Variants in SLC39A8 observed in about 807,000 individuals in gnomAD.
SLC39A8 encodes the protein solute carrier family 39 member 8.
A neutral mutation model predicts 40.4 loss-of-function variants in SLC39A8; 15 were observed. The ratio of observed to expected loss-of-function variants is 0.37; its 90% CI spans 0.25 to 0.57. The LOEUF is 0.57. SLC39A8 is among the 20% of genes least tolerant of loss of function. The pLI is 0.75. For missense variants in SLC39A8, 472 were observed against 558.8 expected, an observed-to-expected ratio of 0.84 and a Z score of 1.57; for synonymous variants, 223 against 221.6, an observed-to-expected ratio of 1.01 and a Z score of -0.06.
chr4:102,318,626 G>A (rs1218292808), intron 2 of SLC39A8, among the ~76,000 whole-genome samples: 1 of 152,146 alleles, frequency 6.6e-6, no homozygotes, highest in African/African-American at 2.4e-5. Flanking sequence ...CGCCTGAAGA[G>A]TGAGGGCAAC....
At chr4:102,320,148 T>C (rs962334589) in intron 2 of SLC39A8, among the ~76,000 whole-genome samples, 1 of 132,972 alleles carries the variant, frequency 7.5e-6, no homozygotes, top group African/African-American at 2.9e-5. Flanking sequence ...CAATTCCTCA[T>C]AATCTCTCAT....
At chr4:102,251,511 G>C (rs1731590243) in exon 12 of SLC39A8, 2 of 152,078 alleles carry the variant, frequency 1.3e-5, no homozygotes, top group South Asian at 4.1e-4. Context: ...GTCCTCTTAG[G>C]GTCCTACCTG....
At chr4:102,313,167 T>C (rs1470260540) in intron 3 of SLC39A8, among the ~76,000 whole-genome samples, 2 of 152,148 alleles carry the variant, frequency 1.3e-5, no homozygotes, top group East Asian at 3.9e-4. Flanking sequence ...AGAATATCAA[T>C]GAGAACATGG....
intron 2 of SLC39A8, among the ~76,000 whole-genome samples, chr4:102,337,863 T>C (rs1358777922): frequency 1.3e-5 from 2 of 152,142 alleles, no homozygotes; most frequent in Non-Finnish European, 2.9e-5. Context: ...TCATTATATA[T>C]GAAACAATAA....
intron 6 of SLC39A8, among the ~76,000 whole-genome samples, chr4:102,282,618 T>TGG (rs5860723): frequency 8.0e-5 from 12 of 150,394 alleles, no homozygotes; most frequent in African/African-American, 3.0e-4. Context: ...AATTAAATGG[T>TGG]GGGGGGGGGT....
rs142916827 is a variant in SLC39A8, at chr4:102,294,159, A to G, written c.840+10158T>C. Among the ~76,000 whole-genome samples the G allele has an allele frequency of 3.6e-3, 554 of 152,190 alleles. 4 individuals carry two copies. The highest frequency in any genetic ancestry group is 0.013 in the African/African-American group (530 of 41,574). ...AACCACAGATTTGGAGAATACATTT[A>G]TAAATCATTTAATCAAGGAAAATTA... On this transcript the variant is annotated intron_variant, in intron 6 of 8. Coordinates refer to ENST00000356736, the MANE Select transcript of SLC39A8 (RefSeq NM_001135146.2).
intron 6 of SLC39A8, among the ~76,000 whole-genome samples, chr4:102,278,938 T>TG (rs1039236437): frequency 1.3e-5 from 2 of 151,546 alleles, no homozygotes; most frequent in Non-Finnish European, 2.9e-5. Context: ...AAGTGAGAGT[T>TG]GAACAATGAG....
chr4:102,267,944 A>T lies in SLC39A8; in HGVS notation c.976T>A (p.Cys326Ser), dbSNP rs1276785712. 6 of 1,614,234 alleles carry T rather than the reference A, an allele frequency of 3.7e-6. No individual in the cohort carries two copies. In the South Asian group the frequency reaches 5.5e-5, roughly 15 times the overall value. ...AGTCCCTGAAGGAGAGACAAGGTGC[A>T]GGAAGCCCCAATCGCCAGGCCATCG... ...FIDGLAIGAS[C>S]TLSLLQGLST... Residue 326 changes from cysteine (C) to serine (S), a missense_variant, in exon 7 of 9, where the codon TGC (cysteine) becomes AGC (serine). By Grantham distance (112) the Cys-to-Ser change is moderately radical. Transcript: ENST00000356736.
intron 2 of SLC39A8, among the ~76,000 whole-genome samples, chr4:102,328,669 G>C (rs1323958824): frequency 1.3e-5 from 2 of 152,198 alleles, no homozygotes; most frequent in African/African-American, 4.8e-5. Context: ...AGGCTTTCCA[G>C]GTAAACCCAG....
intron 3 of SLC39A8, 133 bp downstream of exon 3, chr4:102,315,535 A>T: frequency 1.5e-6 from 1 of 651,912 alleles, no homozygotes; most frequent in Non-Finnish European, 2.3e-6. Flanking sequence ...TACTTTCAAA[A>T]TATAAGTATT....
intron 6 of SLC39A8, among the ~76,000 whole-genome samples, chr4:102,272,048 A>C (rs1732384451): frequency 6.6e-6 from 1 of 152,080 alleles, no homozygotes; most frequent in Non-Finnish European, 1.5e-5. Context: ...TGAGAGTAAA[A>C]GGGGTATAAG....
chr4:102,328,853 G>A (rs140683414), intron 2 of SLC39A8, among the ~76,000 whole-genome samples: 26 of 152,066 alleles, frequency 1.7e-4, no homozygotes, highest in Middle Eastern at 3.4e-3. Flanking sequence ...GTGAAACCCC[G>A]TCTCTACTAA....
Position 102,304,429 on chromosome 4 carries a change from T to G in SLC39A8, c.728A>C (p.His243Pro). The change falls in exon 6 of 9, where the codon CAT (histidine) becomes CCT (proline). Residue 243 changes from histidine to proline, a missense_variant. Physicochemically the swap from His to Pro is moderately conservative, Grantham distance 77 (BLOSUM62 -2). This residue lies in a region of SLC39A8 where 239 missense variants were observed against 317.9 expected (regional missense o/e 0.75). Coordinates refer to ENST00000356736, the MANE Select transcript of SLC39A8 (RefSeq NM_001135146.2). ...GATGGCAGGTAATGCTTTAGGTTGA[T>G]GAGTTTTTTCTTGAGGACCAAAGTT... ...NDNFGPQEKT[H>P]QPKALPAING... The G allele has an allele frequency of 6.2e-7, 1 of 1,611,696 alleles. No individual in the cohort carries two copies. Among genetic ancestry groups the G allele is most frequent in the Non-Finnish European group, 8.5e-7 (1 of 1,178,454 alleles).
At chr4:102,322,260 GAC>G (rs1734998504) in intron 2 of SLC39A8, among the ~76,000 whole-genome samples, 1 of 152,184 alleles carries the variant, frequency 6.6e-6, no homozygotes, top group Non-Finnish European at 1.5e-5. Context: ...AGTGGAGAAA[GAC>G]AGATTTTCAA....
At chr4:102,312,276 C>A (rs1306715654) in intron 3 of SLC39A8, among the ~76,000 whole-genome samples, 2 of 152,038 alleles carry the variant, frequency 1.3e-5, no homozygotes, top group East Asian at 3.9e-4. Flanking sequence ...CTTCTCCCCC[C>A]GATCCCACTC....
intron 2 of SLC39A8, among the ~76,000 whole-genome samples, chr4:102,342,338 T>G (rs1235119716): frequency 6.6e-6 from 1 of 152,240 alleles, no homozygotes; most frequent in Middle Eastern, 3.4e-3. Flanking sequence ...TCATCTCTAC[T>G]AAAAATACAA....
chr4:102,267,879 G>A lies in SLC39A8; in HGVS notation c.1041C>T (p.His347=), dbSNP rs17823966. The A allele has an allele frequency of 0.04, 64,539 of 1,613,802 alleles. 1,754 individuals carry two copies. Among genetic ancestry groups the A allele is most frequent in the South Asian group, 0.1 (9,477 of 91,054 alleles). ...SIAILCEEFP[H]ELGDFVILLN... The stretch of plus-strand genomic sequence containing the variant: ...ATGAACAGAGCTCCTTACCTAACTC[G>A]TGGGGAAACTCCTCACATAGGATTG... The change falls in exon 7 of 9, where the codon CAC becomes CAT. Residue 347 remains histidine, a synonymous_variant. Transcript: ENST00000356736.
exon 12 of SLC39A8, chr4:102,252,747 T>C (rs1560518829): frequency 6.6e-6 from 1 of 152,114 alleles, no homozygotes; most frequent in Non-Finnish European, 1.5e-5. Flanking sequence ...GTAGCTGTAT[T>C]AGTCGGCTAG....
Position 102,320,486 on chromosome 4 carries a change from GTA to G in SLC39A8, c.220-4658_220-4657del, listed in dbSNP as rs1410222904. Among the ~76,000 whole-genome samples the G allele has an allele frequency of 7.5e-3, 560 of 74,268 alleles. 44 individuals are homozygous for G. Among genetic ancestry groups the G allele is most frequent in the Middle Eastern group, 0.023 (2 of 88 alleles). The allele number at this position is 74,268 out of a possible 152,430, so 48.7% of individuals were successfully genotyped here. On this transcript the variant is annotated intron_variant, in intron 2 of 8. Transcript: ENST00000356736. ...TACATATGAGAATATATATATGAGA[GTA>G]TATATATATGAGAATATATATATGA... is the stretch of plus-strand genomic sequence containing the variant.
Sources: allele counts gnomAD v4.1 joint callset (sites outside exome capture counted in the v4.1 genomes callset), GRCh38; gene constraint gnomAD v4.1.1; regional missense constraint gnomAD v4.1.1; transcripts MANE v1.5; gene names NCBI Gene and HGNC (gene_info 2026-07-23, HGNC 2026-07-21).